CTNNA3: variants seen among roughly 807,000 people sequenced by gnomAD.
CTNNA3 encodes catenin alpha-3.
Under a neutral mutation model 95.7 loss-of-function variants are expected in CTNNA3, and 76 were observed. The observed-to-expected ratio is 0.79, with a 90% confidence interval of 0.66 to 0.96. The LOEUF is 0.96. Among genes scored for constraint, CTNNA3 ranks in the 40% least tolerant of loss-of-function variants. CTNNA3 has a pLI of 0.00. For synonymous variants in CTNNA3, 431 were observed against 374.4 expected, an observed-to-expected ratio of 1.15 and a Z score of -1.74; for missense variants, 1,191 against 1,089.8, an observed-to-expected ratio of 1.09 and a Z score of -1.31.
intron 7 of CTNNA3, among the ~76,000 whole-genome samples, chr10:66,887,925 A>G (rs1845105614): frequency 6.6e-6 from 1 of 152,200 alleles, no homozygotes; most frequent in Admixed American, 6.5e-5. Flanking sequence ...GCAGAATAAC[A>G]GCCCTCCAGA....
intron 5 of CTNNA3, among the ~76,000 whole-genome samples, chr10:67,354,545 G>A (rs1589206987): frequency 6.6e-6 from 1 of 152,032 alleles, no homozygotes; most frequent in South Asian, 2.1e-4. Flanking sequence ...AGATTTAAAG[G>A]TTTTCCGGTG....
At chr10:66,635,812 C>G (rs7893164) in intron 9 of CTNNA3, among the ~76,000 whole-genome samples, 39,386 of 151,926 alleles carry the variant, frequency 0.26, 5,730 homozygotes, top group East Asian at 0.39. Context: ...CTTCTATCTT[C>G]GAAGACATCA....
intron 13 of CTNNA3, among the ~76,000 whole-genome samples, chr10:66,257,299 C>A (rs1044159811): frequency 1.3e-5 from 2 of 152,136 alleles, no homozygotes; most frequent in African/African-American, 4.8e-5. Flanking sequence ...TACTATGGCC[C>A]AATGTGCCAG....
chr10:66,056,172 C>A (rs1014111503), intron 15 of CTNNA3, among the ~76,000 whole-genome samples: 6 of 151,876 alleles, frequency 4.0e-5, no homozygotes, highest in African/African-American at 9.7e-5. Context: ...TTATATATAG[C>A]GTTTATCTTA....
At chr10:66,863,582 T>G (rs1844044179) in intron 7 of CTNNA3, among the ~76,000 whole-genome samples, 2 of 151,570 alleles carry the variant, frequency 1.3e-5, no homozygotes, top group South Asian at 4.2e-4. Flanking sequence ...ACAGGCCTTT[T>G]GTCCTTGGGC....
intron 5 of CTNNA3, among the ~76,000 whole-genome samples, chr10:67,308,680 T>C (rs1840660143): frequency 6.6e-6 from 1 of 152,160 alleles, no homozygotes; most frequent in South Asian, 2.1e-4. Context: ...GAGCATAATA[T>C]TCAAAGGAAA....
intron 5 of CTNNA3, among the ~76,000 whole-genome samples, chr10:67,240,291 T>C (rs1198030706): frequency 6.6e-6 from 1 of 152,226 alleles, no homozygotes; most frequent in Non-Finnish European, 1.5e-5. Flanking sequence ...TCTGCCAAGA[T>C]GCTGCATACC....
chr10:66,255,940 C>T (rs931280539), intron 13 of CTNNA3, among the ~76,000 whole-genome samples: 5 of 152,074 alleles, frequency 3.3e-5, no homozygotes, highest in South Asian at 2.1e-4. Flanking sequence ...GATGTTCCCG[C>T]GAAGAAAAAT....
At chr10:67,122,009 G>T (rs1268987890) in intron 7 of CTNNA3, among the ~76,000 whole-genome samples, 3 of 42,540 alleles carry the variant, frequency 7.1e-5, no homozygotes, top group Admixed American at 4.2e-4. Context: ...AAAAAAAAAA[G>T]CTGAGGGCCA....
At chr10:66,332,651 G>T (rs778608397) in intron 12 of CTNNA3, among the ~76,000 whole-genome samples, 4 of 151,934 alleles carry the variant, frequency 2.6e-5, no homozygotes, top group Non-Finnish European at 5.9e-5. Context: ...GAGAATTTTT[G>T]CATCGATGTT....
intron 1 of CTNNA3, among the ~76,000 whole-genome samples, chr10:67,735,778 C>T (rs1214767511): frequency 6.6e-6 from 1 of 152,118 alleles, no homozygotes; most frequent in Admixed American, 6.5e-5. Context: ...CATAGAATTA[C>T]CATACAACCC....
At chr10:66,249,086 CTG>C (rs2090447803) in intron 13 of CTNNA3, among the ~76,000 whole-genome samples, 2 of 152,154 alleles carry the variant, frequency 1.3e-5, no homozygotes, top group Non-Finnish European at 2.9e-5. Context: ...GCTGAGAAAA[CTG>C]TATCTCTACA....
Position 67,157,417 on chromosome 10 carries a change from G to C in CTNNA3, c.1047+22900C>G, listed in dbSNP as rs368350647. ...TCCTGTTTAGTTCCAAAAGGGAGAA[G>C]GCAGCCCCTCCTGTATGAGTGGAAG... On this transcript the variant is annotated intron_variant, in intron 7 of 17. Coordinates refer to ENST00000433211, the MANE Select transcript of CTNNA3 (RefSeq NM_013266.4). Among the ~76,000 whole-genome samples the C allele has an allele frequency of 3.3e-5, 5 of 152,228 alleles. No homozygotes were observed. The South Asian group carries it at 6.2e-4, about 19-fold the overall frequency.
intron 7 of CTNNA3, among the ~76,000 whole-genome samples, chr10:67,134,870 G>C (rs1860217456): frequency 6.6e-6 from 1 of 152,052 alleles, no homozygotes; most frequent in African/African-American, 2.4e-5. Context: ...ATATGACAGA[G>C]AGGAGTCACT....
intron 10 of CTNNA3, among the ~76,000 whole-genome samples, chr10:66,581,991 A>G (rs1275618246): frequency 2.6e-5 from 4 of 151,578 alleles, no homozygotes; most frequent in South Asian, 4.1e-4. Flanking sequence ...TGAGATCTCT[A>G]TTATATTCCA....
chr10:66,333,419 G>C (rs190218332), intron 12 of CTNNA3, among the ~76,000 whole-genome samples: 114 of 151,994 alleles, frequency 7.5e-4, no homozygotes, highest in Non-Finnish European at 1.4e-3. Flanking sequence ...AGAGATTCTG[G>C]TATGTTGTGT....
intron 5 of CTNNA3, among the ~76,000 whole-genome samples, chr10:67,447,575 C>T (rs1674489003): frequency 6.6e-6 from 1 of 152,162 alleles, no homozygotes; most frequent in Admixed American, 6.5e-5. Context: ...CCCACCACTA[C>T]CACCCATATC....
intron 5 of CTNNA3, among the ~76,000 whole-genome samples, chr10:67,330,670 G>A (rs1441403099): frequency 6.7e-6 from 1 of 150,136 alleles, no homozygotes; most frequent in Non-Finnish European, 1.5e-5. Context: ...AAAGAAAATA[G>A]AGAGGAACTG....
chr10:66,275,077 C>A (rs1170754624), intron 13 of CTNNA3, among the ~76,000 whole-genome samples: 3 of 151,842 alleles, frequency 2.0e-5, no homozygotes, highest in Non-Finnish European at 4.4e-5. Flanking sequence ...TTCATTGTAT[C>A]ATTGTATTTC....
Sources: allele counts gnomAD v4.1 joint callset (sites outside exome capture counted in the v4.1 genomes callset), GRCh38; gene constraint gnomAD v4.1.1; transcripts MANE v1.5; gene names NCBI Gene and HGNC (gene_info 2026-07-23, HGNC 2026-07-21).